ZNF626: variants seen among roughly 807,000 people sequenced by gnomAD.
The protein encoded by ZNF626 is zinc finger protein 626.
A neutral mutation model predicts 11.7 loss-of-function variants in ZNF626; 4 were observed. That is an observed-to-expected ratio of 0.34 (90% confidence interval 0.17 to 0.78). The LOEUF (loss-of-function observed/expected upper bound fraction) is 0.78, where lower values mean the gene tolerates loss of function less well. ZNF626 is among the 30% of genes least tolerant of loss of function. ZNF626 has a pLI of 0.57. For missense variants in ZNF626, 588 were observed against 587.1 expected, an observed-to-expected ratio of 1.00 and a Z score of -0.01; for synonymous variants, 179 against 198.6, an observed-to-expected ratio of 0.90 and a Z score of 0.83.
chr19:20,625,222 G>C lies in ZNF626; in HGVS notation c.655C>G (p.His219Asp). The C allele has an allele frequency of 6.2e-7, 1 of 1,613,310 alleles. No homozygotes were observed. Among genetic ancestry groups the C allele is most frequent in the Non-Finnish European group, 8.5e-7 (1 of 1,179,912 alleles). ...TTCTCTCCAGTATGAATTTTCTTAT[G>C]TCTAGTAAGGCTACAAGAGTGGTTA... The part of the protein sequence containing the change: ...AFNHSCSLTR[H>D]KKIHTGEKPY... Residue 219 changes from histidine to aspartate, a missense_variant, in exon 4 of 4, where the codon CAT (histidine) becomes GAT (aspartate). His to Asp is a moderately conservative substitution (Grantham distance 81, BLOSUM62 -1). Around this residue, in one of 4 missense-constraint regions of ZNF626, gnomAD observed 524 missense variants for 470.1 expected, o/e 1.11. Coordinates refer to ENST00000601440, the MANE Select transcript of ZNF626 (RefSeq NM_001076675.3).
chr19:20,631,261 G>A (rs1454981964), intron 3 of ZNF626, among the ~76,000 whole-genome samples: 1 of 151,916 alleles, frequency 6.6e-6, no homozygotes, highest in Non-Finnish European at 1.5e-5. Flanking sequence ...TTGATTTGGG[G>A]TGGAGAGTTC....
At chr19:20,647,715 T>C (rs532374307) in intron 1 of ZNF626, among the ~76,000 whole-genome samples, 42 of 151,940 alleles carry the variant, frequency 2.8e-4, no homozygotes, top group African/African-American at 9.9e-4. Flanking sequence ...CTCGATCTCC[T>C]GACCTCGTGA....
At position 20,623,888 on chromosome 19, in the gene ZNF626, T is replaced by C. The variant is rs1969785994; in HGVS notation, c.*402A>G. On this transcript the variant is annotated 3_prime_UTR_variant, in exon 4 of 4. Transcript: ENST00000601440. ...GTTTCTTTCCAGTATGAATTATGTGTAATAAAGGTTGAGAAGTTCCTTAAA... is the reference window on the plus strand; with the variant it reads ...GTTTCTTTCCAGTATGAATTATGTGCAATAAAGGTTGAGAAGTTCCTTAAA... 2.9e-6 allele frequency: 1 copy of C among 344,620 alleles called. No individual in the cohort carries two copies. The highest frequency in any genetic ancestry group is 2.7e-5 in the South Asian group (1 of 37,710). The allele number at this position is 344,620 out of a possible 1,614,324, so 21.3% of individuals were successfully genotyped here. A position where few individuals can be genotyped will look rare whatever the true frequency, so the allele number is the denominator to read the frequency against.
chr19:20,631,132 TGA>T (rs750494539), intron 3 of ZNF626, among the ~76,000 whole-genome samples: 265 of 152,318 alleles, frequency 1.7e-3, no homozygotes, highest in Middle Eastern at 3.4e-3. Flanking sequence ...CACTGTGGTC[TGA>T]GAGACAGTTT....
intron 1 of ZNF626, among the ~76,000 whole-genome samples, chr19:20,653,972 T>C (rs1970176748): frequency 6.6e-6 from 1 of 152,206 alleles, no homozygotes; most frequent in Non-Finnish European, 1.5e-5. Context: ...GATACTAAAA[T>C]TGTGTTTCCT....
intron 3 of ZNF626, among the ~76,000 whole-genome samples, chr19:20,627,835 T>C (rs1555769938): frequency 6.6e-6 from 1 of 152,216 alleles, no homozygotes; most frequent in Non-Finnish European, 1.5e-5. Context: ...ACGTGCAGGT[T>C]TGTTACATAT....
intron 1 of ZNF626, among the ~76,000 whole-genome samples, chr19:20,659,948 C>G (rs1197048421): frequency 6.6e-6 from 1 of 151,866 alleles, no homozygotes; most frequent in African/African-American, 2.4e-5. Context: ...AGGGAGACTC[C>G]CCAGAAAAAA....
chr19:20,656,372 G>A (rs1235931122), intron 1 of ZNF626, among the ~76,000 whole-genome samples: 2 of 151,972 alleles, frequency 1.3e-5, no homozygotes, highest in Non-Finnish European at 2.9e-5. Context: ...TCTAGATATA[G>A]ACACTGGCAA....
intron 3 of ZNF626, among the ~76,000 whole-genome samples, chr19:20,635,786 T>A (rs868948611): frequency 2.0e-5 from 3 of 152,030 alleles, no homozygotes; most frequent in Admixed American, 6.5e-5. Flanking sequence ...CAAAAATAAA[T>A]AGACGCTGAA....
chr19:20,646,788 A>T (rs1288535019), intron 1 of ZNF626, among the ~76,000 whole-genome samples: 8 of 152,132 alleles, frequency 5.3e-5, no homozygotes, highest in Admixed American at 3.9e-4. Context: ...AATAAGCTGA[A>T]GACATCGTTA....
At chr19:20,656,981 A>G (rs1970212122) in intron 1 of ZNF626, among the ~76,000 whole-genome samples, 1 of 152,242 alleles carries the variant, frequency 6.6e-6, no homozygotes, top group Admixed American at 6.5e-5. Flanking sequence ...TTATATTATA[A>G]AGACATATTC....
At chr19:20,644,964 A>T (rs1329652760) in intron 3 of ZNF626, 1 of 152,490 alleles carries the variant, frequency 6.6e-6, no homozygotes, top group African/African-American at 2.4e-5. Context: ...ATACAAATAA[A>T]TTTTAAAATA....
chr19:20,628,282 T>G (rs1969863798), intron 3 of ZNF626, among the ~76,000 whole-genome samples: 2 of 152,238 alleles, frequency 1.3e-5, no homozygotes, highest in African/African-American at 4.8e-5. Context: ...TATAATCCTT[T>G]GGGTATATAC....
chr19:20,644,024 A>AC (rs1478117502), intron 3 of ZNF626, among the ~76,000 whole-genome samples: 1 of 152,144 alleles, frequency 6.6e-6, no homozygotes, highest in Admixed American at 6.5e-5. Flanking sequence ...CTCTGTAGCC[A>AC]CCACAAACTC....
chr19:20,641,770 G>A (rs1276969324), intron 3 of ZNF626, among the ~76,000 whole-genome samples: 4 of 151,418 alleles, frequency 2.6e-5, no homozygotes, highest in Non-Finnish European at 5.9e-5. Context: ...CCCCAGGCTG[G>A]TCTCAAACTT....
chr19:20,643,342 T>C (rs756164921), intron 3 of ZNF626, among the ~76,000 whole-genome samples: 16 of 147,930 alleles, frequency 1.1e-4, no homozygotes, highest in Non-Finnish European at 1.6e-4. Context: ...GACCCTCTGA[T>C]ATGTAAAACA....
intron 3 of ZNF626, among the ~76,000 whole-genome samples, chr19:20,633,770 T>C (rs1309307454): frequency 2.6e-5 from 4 of 152,188 alleles, no homozygotes; most frequent in Non-Finnish European, 5.9e-5. Context: ...CTGCTTTGGC[T>C]CGTGCACAGT....
intron 1 of ZNF626, among the ~76,000 whole-genome samples, chr19:20,661,203 C>T (rs946792730): frequency 4.6e-5 from 7 of 152,288 alleles, no homozygotes; most frequent in African/African-American, 1.4e-4. Context: ...GCAGAGCTGC[C>T]CAGAGAGGGC....
rs1457165233 is a variant in ZNF626 at position 20,645,685 on chromosome 19, T to C, written c.225A>G (p.Ser75=). The C allele has an allele frequency of 1.2e-6, 2 of 1,609,064 alleles. No individual in the cohort carries two copies. The highest frequency in any genetic ancestry group is 1.3e-5 in the African/African-American group (1 of 74,472). ...MKRNEMIAKP[S]VMCSHFAQDL... ...GTATTCATTTTCACTCACACCTACC[T>C]GAGGGTTTGGCTATCATCTCATTTC... Residue 75 remains serine (S), a splice_region_variant and synonymous_variant, in exon 3 of 4, where the codon TCA becomes TCG. Coordinates refer to ENST00000601440, the MANE Select transcript of ZNF626 (RefSeq NM_001076675.3).
Sources: allele counts gnomAD v4.1 joint callset (sites outside exome capture counted in the v4.1 genomes callset), GRCh38; gene constraint gnomAD v4.1.1; regional missense constraint gnomAD v4.1.1; transcripts MANE v1.5; gene names NCBI Gene and HGNC (gene_info 2026-07-23, HGNC 2026-07-21).